The following LARS2 variants were observed in gnomAD, a reference collection of about 807,000 sequenced individuals.
The protein encoded by LARS2 is leucyl-tRNA synthetase 2, mitochondrial, also known as leucine--tRNA ligase, mitochondrial.
LARS2 carries 81 observed loss-of-function variants against 116.6 expected under a neutral mutation model. The observed-to-expected ratio is 0.69, with a 90% CI of 0.58 to 0.84. The LOEUF is 0.84. Ranked by LOEUF, LARS2 falls within the 40% of genes least tolerant of loss-of-function variation. LARS2 has a pLI of 0.00. For missense variants in LARS2, 968 were observed against 1,114.5 expected (o/e 0.87, Z 1.87); for synonymous variants, 396 against 407.2 (o/e 0.97, Z 0.33).
At chr3:45,521,870 G>A (rs774943005) in intron 19 of LARS2, among the ~76,000 whole-genome samples, 1 of 152,076 alleles carries the variant, frequency 6.6e-6, no homozygotes, top group Non-Finnish European at 1.5e-5. Context: ...CACTTTGGGA[G>A]GCCGAGGCAG....
chr3:45,392,034 G>A (rs539540504), intron 2 of LARS2, among the ~76,000 whole-genome samples: 20 of 152,274 alleles, frequency 1.3e-4, no homozygotes, highest in Non-Finnish European at 2.4e-4. Context: ...CTAAACAGGC[G>A]TTCTTTGGCT....
At chr3:45,485,619 G>T in intron 10 of LARS2, 73 bp from the exon 11 acceptor site, 1 of 805,818 alleles carries the variant, frequency 1.2e-6, no homozygotes. Flanking sequence ...TTTCTCACTT[G>T]TTTCCTCTGA....
chr3:45,468,974 C>G (rs922494427), intron 8 of LARS2, among the ~76,000 whole-genome samples: 1 of 152,144 alleles, frequency 6.6e-6, no homozygotes, highest in Non-Finnish European at 1.5e-5. Context: ...CCTCTCTTTC[C>G]CATAGCTCTG....
At chr3:45,410,767 G>A (rs1292183059) in intron 4 of LARS2, among the ~76,000 whole-genome samples, 1 of 152,168 alleles carries the variant, frequency 6.6e-6, no homozygotes, top group African/African-American at 2.4e-5. Context: ...CCAGCGTTCC[G>A]CCTTACTCTG....
chr3:45,490,714 A>T lies in LARS2; in HGVS notation c.1240-803A>T, dbSNP rs547708769. Among the ~76,000 whole-genome samples the T allele has an allele frequency of 1.3e-3, 205 of 152,380 alleles. 1 individual carries two copies. Among genetic ancestry groups the T allele is most frequent in the Middle Eastern group, 0.01 (3 of 294 alleles). On this transcript the variant is annotated intron_variant, in intron 12 of 21. Transcript: ENST00000645846. ...ATTTATCTTTGTGGCCCCAATGGCT[A>T]GCACGAGCCCAGCACGTATAGATGC...
chr3:45,430,757 T>C (rs1423954314), intron 6 of LARS2, among the ~76,000 whole-genome samples: 3 of 150,126 alleles, frequency 2.0e-5, no homozygotes, highest in African/African-American at 7.4e-5. Flanking sequence ...ACTAATTTTT[T>C]TGTATCTTTA....
intron 15 of LARS2, among the ~76,000 whole-genome samples, chr3:45,505,367 T>A (rs1349536736): frequency 6.6e-6 from 1 of 151,818 alleles, no homozygotes; most frequent in Non-Finnish European, 1.5e-5. Context: ...GATTCAAACT[T>A]AAGTTAAAAA....
chr3:45,436,967 A>T (rs1234707650), intron 6 of LARS2, among the ~76,000 whole-genome samples: 1 of 152,218 alleles, frequency 6.6e-6, no homozygotes, highest in African/African-American at 2.4e-5. Flanking sequence ...AACAGTTTTC[A>T]GGTTACCATA....
chr3:45,546,309 G>A (rs979119371), intron 21 of LARS2, among the ~76,000 whole-genome samples: 1 of 152,178 alleles, frequency 6.6e-6, no homozygotes, highest in Admixed American at 6.5e-5. Context: ...CCAGGGCAGG[G>A]GGGCCACAGT....
At chr3:45,392,700 A>G (rs1469449314) in intron 2 of LARS2, among the ~76,000 whole-genome samples, 1 of 152,132 alleles carries the variant, frequency 6.6e-6, no homozygotes, top group Non-Finnish European at 1.5e-5. Flanking sequence ...TGGCAGACCA[A>G]CTTGTAAGAT....
intron 8 of LARS2, among the ~76,000 whole-genome samples, chr3:45,462,445 G>T (rs1463543015): frequency 6.6e-6 from 1 of 151,674 alleles, no homozygotes; most frequent in African/African-American, 2.4e-5. Flanking sequence ...AAGAAAGAAA[G>T]AAAGAAGCAG....
chr3:45,468,629 C>G (rs1037469550), intron 8 of LARS2, among the ~76,000 whole-genome samples: 21 of 152,318 alleles, frequency 1.4e-4, no homozygotes, highest in African/African-American at 4.8e-4. Context: ...ATTTGAGAAC[C>G]TGTAGTCACC....
At position 45,542,844 on chromosome 3, in the gene LARS2, C is replaced by T. The variant is rs1229269253; in HGVS notation, c.2532+888C>T. Among the ~76,000 whole-genome samples, 4 of 152,206 alleles carry T rather than the reference C, an allele frequency of 2.6e-5. No individual in the cohort carries two copies. In the East Asian group the frequency reaches 5.8e-4, roughly 22 times the overall value. ...CAAGATAGGACAGACAGGTTCCCTG[C>T]CCTCATGGAGCTTAAAGCATAGTGG... On this transcript the variant is annotated intron_variant, in intron 21 of 21. Coordinates refer to ENST00000645846, the MANE Select transcript of LARS2 (RefSeq NM_015340.4).
At position 45,485,794 on chromosome 3, in the gene LARS2, T is replaced by C; in HGVS notation, c.1121T>C (p.Ile374Thr). The C allele has an allele frequency of 6.3e-7, 1 of 1,588,508 alleles. No homozygotes were observed. Among genetic ancestry groups the C allele is most frequent in the Non-Finnish European group, 8.6e-7 (1 of 1,158,908 alleles). ...TTGGAAGGCTCTCTGGATTCAAAAA[T>C]AGGTAAGCAGCTATTAAAATGTAAC... ...ADLEGSLDSK[I>T]GIPSTSSEDT... Residue 374 changes from isoleucine to threonine, a missense_variant and splice_region_variant, in exon 11 of 22, where the codon ATA (isoleucine) becomes ACA (threonine). Physicochemically the swap from Ile to Thr is moderately conservative, Grantham distance 89. Coordinates refer to ENST00000645846, the MANE Select transcript of LARS2 (RefSeq NM_015340.4).
In LARS2 at chr3:45,448,122, G is replaced by A. The variant is rs754176527; in HGVS notation, c.606+1142G>A. Among the ~76,000 whole-genome samples the A allele has an allele frequency of 1.2e-4, 18 of 152,138 alleles. No homozygotes were observed. The East Asian group carries it at 3.5e-3, about 29-fold the overall frequency. On this transcript the variant is annotated intron_variant, in intron 7 of 21. Coordinates refer to ENST00000645846, the MANE Select transcript of LARS2 (RefSeq NM_015340.4). ...AAAATTAGTCCCAGTTACTCAAGAC[G>A]GTGAGGTAAGAGGATCCCTTGAGCC...
At chr3:45,467,544 A>G (rs1227226967) in intron 8 of LARS2, among the ~76,000 whole-genome samples, 1 of 152,226 alleles carries the variant, frequency 6.6e-6, no homozygotes, top group African/African-American at 2.4e-5. Flanking sequence ...GATTTTATCA[A>G]TCCTGACATG....
intron 7 of LARS2, among the ~76,000 whole-genome samples, chr3:45,456,380 C>T (rs918374634): frequency 1.7e-4 from 26 of 152,104 alleles, no homozygotes; most frequent in Non-Finnish European, 3.7e-4. Flanking sequence ...GTCAGGAGTT[C>T]GAGACCAGCC....
intron 7 of LARS2, among the ~76,000 whole-genome samples, chr3:45,448,650 G>A (rs1398833653): frequency 6.6e-6 from 1 of 152,206 alleles, no homozygotes; most frequent in East Asian, 1.9e-4. Context: ...TTAACTAAAA[G>A]TATCCCTTAT....
At chr3:45,412,358 CAAAT>C (rs1424932332) in intron 4 of LARS2, among the ~76,000 whole-genome samples, 1 of 151,548 alleles carries the variant, frequency 6.6e-6, no homozygotes, top group East Asian at 1.9e-4. Context: ...TTCATGAAAA[CAAAT>C]AAGCAGGCTC....
Sources: allele counts gnomAD v4.1 joint callset (sites outside exome capture counted in the v4.1 genomes callset), GRCh38; gene constraint gnomAD v4.1.1; transcripts MANE v1.5; gene names NCBI Gene and HGNC (gene_info 2026-07-23, HGNC 2026-07-21).